COL14A1: variants seen among roughly 807,000 people sequenced by gnomAD.
The protein encoded by COL14A1 is collagen type XIV alpha 1 chain.
Under a neutral mutation model 230.3 loss-of-function variants are expected in COL14A1, and 136 were observed. That is an observed-to-expected ratio of 0.59 (90% CI 0.51 to 0.68). The LOEUF is 0.68. Ranked by LOEUF, COL14A1 falls within the 30% of genes least tolerant of loss-of-function variation. The probability of loss-of-function intolerance (pLI) is 0.00; values close to 1 mark genes in which losing one functional copy is unlikely to be tolerated. For synonymous variants in COL14A1, 792 were observed against 784.1 expected (o/e 1.01, Z -0.17); for missense variants, 1,976 against 2,215.8 (o/e 0.89, Z 2.17).
At chr8:120,236,583 T>A (rs1468605327) in intron 19 of COL14A1, among the ~76,000 whole-genome samples, 4 of 152,200 alleles carry the variant, frequency 2.6e-5, no homozygotes, top group Admixed American at 6.5e-5. Context: ...TTTGCCAGTC[T>A]GTGTCTTTTA....
At chr8:120,273,040 G>A (rs79987619) in intron 26 of COL14A1, among the ~76,000 whole-genome samples, 1 of 151,578 alleles carries the variant, frequency 6.6e-6, no homozygotes, top group Admixed American at 6.6e-5. Context: ...ACCATGATAG[G>A]CCACAAAACA....
intron 5 of COL14A1, among the ~76,000 whole-genome samples, chr8:120,183,941 G>A (rs1467465203): frequency 2.6e-5 from 4 of 152,020 alleles, no homozygotes. Context: ...GTTAGTTCTG[G>A]GTTTGAATTT....
At position 120,147,891 on chromosome 8, in the gene COL14A1, T is replaced by G. The variant is rs1563635497; in HGVS notation, c.49T>G (p.Leu17Val). ...GCGGTACTGGTTGCTTCCACCTTTT[T>G]TGGCAATTGTTTATTTCTGCACCAT... is the stretch of plus-strand genomic sequence containing the variant. ...KMRYWLLPPF[L>V]AIVYFCTIVQ... Residue 17 changes from leucine to valine, a missense_variant, in exon 2 of 48, where the codon TTG (leucine) becomes GTG (valine). Around this residue, in one of 3 missense-constraint regions of COL14A1, gnomAD observed 181 missense variants for 178.6 expected, o/e 1.01. Transcript: ENST00000297848. 1.2e-6 allele frequency: 2 copies of G among 1,614,078 alleles called. No homozygotes were observed. Among genetic ancestry groups the G allele is most frequent in the Non-Finnish European group, 1.7e-6 (2 of 1,179,974 alleles).
chr8:120,209,359 T>A (rs1201191643), intron 11 of COL14A1, among the ~76,000 whole-genome samples: 1 of 151,754 alleles, frequency 6.6e-6, no homozygotes, highest in Non-Finnish European at 1.5e-5. Flanking sequence ...GAAGAACAGG[T>A]CTCAAAAAAA....
chr8:120,324,311 G>A (rs998694071), intron 40 of COL14A1, among the ~76,000 whole-genome samples: 8 of 152,046 alleles, frequency 5.3e-5, no homozygotes, highest in African/African-American at 1.9e-4. Context: ...GTTTATCTGT[G>A]CATATATACA....
chr8:120,158,974 T>C (rs542347899), intron 3 of COL14A1, among the ~76,000 whole-genome samples: 1 of 152,320 alleles, frequency 6.6e-6, no homozygotes, highest in South Asian at 2.1e-4. Context: ...GATCAACAAC[T>C]GGATTGCTTG....
At position 120,358,823 on chromosome 8, in the gene COL14A1, T is replaced by G. The variant is rs566787795; in HGVS notation, c.5078-8348T>G. ...GCTGTGATAAAACATTTTTGGTGAATTTTTTGACATGGCTTTCAAAGCCAT... is the reference window on the plus strand; with the variant it reads ...GCTGTGATAAAACATTTTTGGTGAAGTTTTTGACATGGCTTTCAAAGCCAT... On this transcript the variant is annotated intron_variant, in intron 45 of 47. Transcript: ENST00000297848. 5.8e-4 allele frequency among the ~76,000 whole-genome samples: 89 copies of G among 152,288 alleles called. 1 individual carries two copies. Among genetic ancestry groups the G allele is most frequent in the African/African-American group, 2.0e-3 (83 of 41,578 alleles).
intron 2 of COL14A1, among the ~76,000 whole-genome samples, chr8:120,153,750 T>A (rs1300497562): frequency 6.6e-6 from 1 of 152,194 alleles, no homozygotes; most frequent in Non-Finnish European, 1.5e-5. Flanking sequence ...ATGCAGTAGC[T>A]CATATAATCA....
intron 13 of COL14A1, among the ~76,000 whole-genome samples, chr8:120,214,752 C>T (rs966627334): frequency 7.0e-6 from 1 of 143,710 alleles, no homozygotes; most frequent in Non-Finnish European, 1.5e-5. Context: ...GGGAGAGAGA[C>T]AATAAGCCAG....
At chr8:120,337,409 A>T (rs1377626945) in intron 42 of COL14A1, among the ~76,000 whole-genome samples, 1 of 151,564 alleles carries the variant, frequency 6.6e-6, no homozygotes, top group Non-Finnish European at 1.5e-5. Flanking sequence ...ATTAAAAAAA[A>T]AAAAAAAAAG....
chr8:120,351,695 T>A (rs1822788143), intron 45 of COL14A1, among the ~76,000 whole-genome samples: 1 of 109,426 alleles, frequency 9.1e-6, no homozygotes, highest in East Asian at 2.7e-4. Context: ...CAGGAAGAAG[T>A]TGAATCTCTG....
At chr8:120,207,684 A>T (rs909449112) in intron 10 of COL14A1, among the ~76,000 whole-genome samples, 2 of 152,200 alleles carry the variant, frequency 1.3e-5, no homozygotes, top group Non-Finnish European at 2.9e-5. Context: ...ACAAGCAATA[A>T]GTTAAAACAC....
At chr8:120,132,575 T>TC (rs1814565629) in intron 1 of COL14A1, among the ~76,000 whole-genome samples, 1 of 151,796 alleles carries the variant, frequency 6.6e-6, no homozygotes, top group Admixed American at 6.6e-5. Context: ...TTTTTTTTTT[T>TC]CTATTTCTGT....
At chr8:120,361,093 A>G (rs966076420) in intron 45 of COL14A1, among the ~76,000 whole-genome samples, 1 of 151,574 alleles carries the variant, frequency 6.6e-6, no homozygotes, top group South Asian at 2.1e-4. Context: ...CTACTCTCCT[A>G]CAGGTAATAG....
chr8:120,259,201 A>G (rs1314937940), intron 23 of COL14A1, among the ~76,000 whole-genome samples: 2 of 152,262 alleles, frequency 1.3e-5, no homozygotes, highest in African/African-American at 2.4e-5. Context: ...GAGTATAATT[A>G]TTTATATCAT....
At chr8:120,178,636 C>G (rs548957794) in intron 5 of COL14A1, among the ~76,000 whole-genome samples, 31 of 152,254 alleles carry the variant, frequency 2.0e-4, no homozygotes, top group South Asian at 1.0e-3. Context: ...GTTCTAGATC[C>G]TTGAGGAAAT....
Position 120,150,072 on chromosome 8 carries a change from A to G in COL14A1, c.88+2142A>G, listed in dbSNP as rs1356692471. ...CAAGATACAAAGCTAAATAAGACCT[A>G]TTTATTTATTTATTTTTTGCCTTCA... On this transcript the variant is annotated intron_variant, in intron 2 of 47. Transcript: ENST00000297848. Among the ~76,000 whole-genome samples the G allele has an allele frequency of 2.0e-5, 3 of 152,172 alleles. No homozygotes were observed. In the East Asian group the frequency reaches 5.8e-4, roughly 29 times the overall value.
chr8:120,301,058 T>C (rs557194805), intron 36 of COL14A1, among the ~76,000 whole-genome samples: 13 of 152,276 alleles, frequency 8.5e-5, no homozygotes, highest in African/African-American at 3.1e-4. Flanking sequence ...CACTGTGTCA[T>C]ACGATGTCTC....
intron 34 of COL14A1, among the ~76,000 whole-genome samples, chr8:120,294,716 G>GA (rs948462343): frequency 6.0e-5 from 9 of 149,400 alleles, no homozygotes; most frequent in South Asian, 4.2e-4. Context: ...ATGTGCCTTG[G>GA]AAAAAAAAAG....
Sources: allele counts gnomAD v4.1 joint callset (sites outside exome capture counted in the v4.1 genomes callset), GRCh38; gene constraint gnomAD v4.1.1; regional missense constraint gnomAD v4.1.1; transcripts MANE v1.5; gene names NCBI Gene and HGNC (gene_info 2026-07-23, HGNC 2026-07-21).